Variants in CRPPA observed in about 807,000 individuals in gnomAD.
CRPPA encodes D-ribitol-5-phosphate cytidylyltransferase.
A neutral mutation model predicts 52.0 loss-of-function variants in CRPPA; 43 were observed. The ratio of observed to expected loss-of-function variants is 0.83; its 90% CI spans 0.65 to 1.07. The LOEUF (loss-of-function observed/expected upper bound fraction) is 1.07, where lower values mean the gene tolerates loss of function less well. Among genes scored for constraint, CRPPA ranks in the 50% least tolerant of loss-of-function variants. The pLI, the probability that CRPPA is intolerant of heterozygous loss-of-function variation, is 0.00. For synonymous variants in CRPPA, 250 were observed against 203.5 expected (o/e 1.23, Z -1.94); for missense variants, 629 against 551.7 (o/e 1.14, Z -1.40).
chr7:16,307,447 T>G (rs1367593855), intron 4 of CRPPA, among the ~76,000 whole-genome samples: 43 of 151,810 alleles, frequency 2.8e-4, no homozygotes, highest in Non-Finnish European at 1.6e-4. Flanking sequence ...TTTGGGAGGC[T>G]GAGGCAGGCA....
At chr7:16,269,681 A>C (rs1216400978) in intron 6 of CRPPA, 1 of 152,200 alleles carries the variant, frequency 6.6e-6, no homozygotes, top group Non-Finnish European at 1.5e-5. Flanking sequence ...ATAAGCTCAA[A>C]GTGGTATATT....
chr7:16,192,182 G>A (rs1015603804), intron 9 of CRPPA, among the ~76,000 whole-genome samples: 6 of 151,984 alleles, frequency 3.9e-5, no homozygotes, highest in Admixed American at 1.3e-4. Flanking sequence ...GGGATGGTGC[G>A]GGTGATAAGG....
At chr7:16,185,486 A>G (rs1430518733) in intron 9 of CRPPA, among the ~76,000 whole-genome samples, 2 of 152,164 alleles carry the variant, frequency 1.3e-5, no homozygotes, top group Non-Finnish European at 2.9e-5. Flanking sequence ...TGTTATTATA[A>G]CAAGGCATAA....
intron 9 of CRPPA, among the ~76,000 whole-genome samples, chr7:16,109,468 T>A (rs1782218512): frequency 6.6e-6 from 1 of 151,848 alleles, no homozygotes; most frequent in African/African-American, 2.4e-5. Flanking sequence ...TTGGCTGAAT[T>A]CTACCAAATA....
chr7:16,278,832 A>T (rs1384500192), intron 5 of CRPPA, among the ~76,000 whole-genome samples: 1 of 152,224 alleles, frequency 6.6e-6, no homozygotes, highest in Non-Finnish European at 1.5e-5. Context: ...ACACAGTGAT[A>T]GTCACCTCTG....
At chr7:16,229,899 C>T (rs1782747501) in intron 8 of CRPPA, among the ~76,000 whole-genome samples, 1 of 152,066 alleles carries the variant, frequency 6.6e-6, no homozygotes, top group Admixed American at 6.5e-5. Context: ...GACACCTTTG[C>T]TGGGTACACT....
intron 5 of CRPPA, among the ~76,000 whole-genome samples, chr7:16,286,065 ATATATATAT>A (rs1784433548): frequency 5.7e-5 from 2 of 35,128 alleles, no homozygotes; most frequent in African/African-American, 1.7e-4. Flanking sequence ...ATATATATAT[ATATATATAT>A]ATATATAATA....
intron 8 of CRPPA, among the ~76,000 whole-genome samples, chr7:16,256,105 C>T (rs1783631660): frequency 6.6e-6 from 1 of 152,090 alleles, no homozygotes; most frequent in Admixed American, 6.6e-5. Flanking sequence ...AAGAAAAAAT[C>T]AAACAACCCC....
intron 9 of CRPPA, among the ~76,000 whole-genome samples, chr7:16,190,511 TA>T (rs1781587044): frequency 6.6e-6 from 1 of 152,174 alleles, no homozygotes; most frequent in Admixed American, 6.5e-5. Flanking sequence ...AAATAAAAAG[TA>T]ATCTTCCAAA....
intron 2 of CRPPA, among the ~76,000 whole-genome samples, chr7:16,380,137 AGCTCT>A (rs1787037179): frequency 6.6e-6 from 1 of 151,036 alleles, no homozygotes; most frequent in Non-Finnish European, 1.5e-5. Context: ...TGTCAAAGAC[AGCTCT>A]TATTATTTTG....
intron 2 of CRPPA, among the ~76,000 whole-genome samples, chr7:16,381,085 G>C (rs1440387240): frequency 2.0e-5 from 3 of 151,108 alleles, no homozygotes; most frequent in African/African-American, 7.3e-5. Flanking sequence ...GTGATGTTAG[G>C]GTGTCAATTT....
At chr7:16,376,294 G>T in intron 2 of CRPPA, 53 bp from the exon 3 acceptor site, 2 of 1,525,666 alleles carry the variant, frequency 1.3e-6, no homozygotes, top group South Asian at 1.3e-5. Flanking sequence ...ATTTTAAAGT[G>T]AAATTCTGAA....
chr7:16,342,866 G>GATATATATATATACATATAT, intron 3 of CRPPA, among the ~76,000 whole-genome samples: 2 of 146,300 alleles, frequency 1.4e-5, no homozygotes, highest in African/African-American at 5.0e-5. Context: ...TAGATATATA[G>GATATATATATATACATATAT]AGATATATAT....
At chr7:16,232,572 A>G (rs959277394) in intron 8 of CRPPA, among the ~76,000 whole-genome samples, 8 of 152,074 alleles carry the variant, frequency 5.3e-5, no homozygotes, top group African/African-American at 1.9e-4. Flanking sequence ...TGTTATTCTA[A>G]CACCAGAAAA....
intron 9 of CRPPA, among the ~76,000 whole-genome samples, chr7:16,150,999 G>T (rs1783066648): frequency 6.6e-6 from 1 of 152,218 alleles, no homozygotes; most frequent in Non-Finnish European, 1.5e-5. Flanking sequence ...TTGCATTGAA[G>T]ATTAAGTTCC....
At chr7:16,358,954 T>C (rs541844210) in intron 3 of CRPPA, among the ~76,000 whole-genome samples, 2 of 152,168 alleles carry the variant, frequency 1.3e-5, no homozygotes, top group South Asian at 2.1e-4. Flanking sequence ...AAGAAAAAAA[T>C]AGATTTTTAT....
intron 3 of CRPPA, 39 bp downstream of exon 3, chr7:16,376,053 G>A (rs1786872437): frequency 6.5e-7 from 1 of 1,540,104 alleles, no homozygotes; most frequent in African/African-American, 1.4e-5. Flanking sequence ...TGGGGAACCT[G>A]ACATAACAGC....
chr7:16,355,924 T>C (rs1368093556), intron 3 of CRPPA, among the ~76,000 whole-genome samples: 1 of 152,170 alleles, frequency 6.6e-6, no homozygotes, highest in East Asian at 1.9e-4. Flanking sequence ...CACTGCAAGC[T>C]CTTCACTACT....
intron 8 of CRPPA, among the ~76,000 whole-genome samples, chr7:16,245,724 A>C (rs1206474186): frequency 6.6e-6 from 1 of 152,230 alleles, no homozygotes; most frequent in East Asian, 1.9e-4. Flanking sequence ...ACTGGAGCCA[A>C]TAAAGCAAAT....
Sources: allele counts gnomAD v4.1 joint callset (sites outside exome capture counted in the v4.1 genomes callset), GRCh38; gene constraint gnomAD v4.1.1; transcripts MANE v1.5; gene names NCBI Gene and HGNC (gene_info 2026-07-23, HGNC 2026-07-21).